The following DHX8 variants were observed in gnomAD, a reference collection of about 807,000 sequenced individuals.
DHX8 encodes ATP-dependent RNA helicase DHX8.
In DHX8, 67 loss-of-function variants were observed where a neutral mutation model predicts 140.7. The observed-to-expected ratio is 0.48, with a 90% CI of 0.39 to 0.58. The LOEUF (loss-of-function observed/expected upper bound fraction) is 0.58, where lower values mean the gene tolerates loss of function less well. Ranked by LOEUF, DHX8 falls within the 20% of genes least tolerant of loss-of-function variation. The pLI, the probability that DHX8 is intolerant of heterozygous loss-of-function variation, is 0.00. For synonymous variants in DHX8, 533 were observed against 553.2 expected, an observed-to-expected ratio of 0.96 and a Z score of 0.51; for missense variants, 887 against 1,550.7, an observed-to-expected ratio of 0.57 and a Z score of 7.19.
rs1240456975 is a variant in DHX8 at position 43,504,812 on chromosome 17, A to C, written c.1715A>C (p.Glu572Ala). The C allele has an allele frequency of 5.6e-6, 9 of 1,613,702 alleles. No individual in the cohort carries two copies. Among genetic ancestry groups the C allele is most frequent in the Non-Finnish European group, 7.6e-6 (9 of 1,179,906 alleles). Residue 572 changes from glutamate (E) to alanine (A), a missense_variant, in exon 12 of 23, where the codon GAG becomes GCG. Coordinates refer to ENST00000262415, the MANE Select transcript of DHX8 (RefSeq NM_004941.3). Reference protein sequence around the residue: ...RESLPIYKLKEQLVQAVHDNQ... With the variant: ...RESLPIYKLKAQLVQAVHDNQ... ...AGCCTGCCCATCTACAAACTGAAGG[A>C]GCAATTGGTCCAGGTGAGAAGACTT...
chr17:43,520,817 A>G lies in DHX8; in HGVS notation c.3004A>G (p.Ser1002Gly), dbSNP rs772338884. The G allele has an allele frequency of 1.2e-6, 2 of 1,614,134 alleles. No homozygotes were observed. The highest frequency in any genetic ancestry group is 8.5e-7 in the Non-Finnish European group (1 of 1,180,014). Reference sequence around the variant, plus strand: ...CATCATGTCTGTGCATCTGGGCTGCAGTGAGGAAATGCTGACCATTGTATC... The same window carrying G: ...CATCATGTCTGTGCATCTGGGCTGCGGTGAGGAAATGCTGACCATTGTATC... The part of the protein sequence containing the change: ...MLIMSVHLGC[S>G]EEMLTIVSML... The change falls in exon 20 of 23, where the codon AGT (serine) becomes GGT (glycine). Residue 1002 changes from serine to glycine, a missense_variant. Ser to Gly is a moderately conservative substitution (Grantham distance 56). Transcript: ENST00000262415.
chr17:43,520,357 C>T (rs1167205587), intron 19 of DHX8, 90 bp downstream of exon 19: 7 of 1,469,350 alleles, frequency 4.8e-6, no homozygotes, highest in Non-Finnish European at 6.4e-6. Context: ...CAGGCTGAGG[C>T]CGTGGATAAG....
chr17:43,496,055 G>T (rs1968838974), intron 8 of DHX8, 126 bp from the exon 9 acceptor site: 3 of 677,760 alleles, frequency 4.4e-6, no homozygotes, highest in Non-Finnish European at 2.5e-6. Context: ...CTTTGATCAG[G>T]TCACTGCACT....
chr17:43,534,250 C>T (rs997466940), intron 2 of DHX8, among the ~76,000 whole-genome samples: 3 of 152,170 alleles, frequency 2.0e-5, no homozygotes, highest in African/African-American at 7.2e-5. Flanking sequence ...CACGGTAGCT[C>T]ACACCTGTAA....
chr17:43,529,600 C>A (rs1473799164), downstream of DHX8: 1 of 1,613,976 alleles, frequency 6.2e-7, no homozygotes, highest in Non-Finnish European at 8.5e-7. Flanking sequence ...CCAGAAATTG[C>A]CACAGCTGCA....
intron 15 of DHX8, 50 bp from the exon 16 acceptor site, chr17:43,508,289 G>T (rs2293014): frequency 6.4e-7 from 1 of 1,568,186 alleles, no homozygotes; most frequent in Non-Finnish European, 8.6e-7. Context: ...CCTTGTATAG[G>T]ACACACATAC....
Position 43,525,076 on chromosome 17 carries a change from G to A in DHX8, c.*1229G>A. 2.0e-6 allele frequency: 2 copies of A among 985,420 alleles called. No individual in the cohort carries two copies. Among genetic ancestry groups the A allele is most frequent in the Non-Finnish European group, 2.4e-6 (2 of 830,004 alleles). 61.0% of individuals were successfully genotyped at this position (985,420 alleles called of 1,614,324 possible). ...CCCAAAGCGCTGGGATTACAGTTGA[G>A]AGCCACTGTCCTCTGCACTGAGGAG... is the stretch of plus-strand genomic sequence containing the variant. On this transcript the variant is annotated 3_prime_UTR_variant, in exon 23 of 23. Coordinates refer to ENST00000262415, the MANE Select transcript of DHX8 (RefSeq NM_004941.3).
At position 43,523,951 on chromosome 17, in the gene DHX8, T is replaced by C; in HGVS notation, c.*104T>C. ...TACAGCTGTCCCGTGACTGACTGTC[T>C]TAACTGAGCATTTTCTCAACTCGAC... On this transcript the variant is annotated 3_prime_UTR_variant, in exon 23 of 23. Transcript: ENST00000262415. 1 of 1,505,740 alleles carries C rather than the reference T, an allele frequency of 6.6e-7. No individual in the cohort carries two copies. Among genetic ancestry groups the C allele is most frequent in the African/African-American group, 1.4e-5 (1 of 72,278 alleles). 93.3% of individuals were successfully genotyped at this position (1,505,740 alleles called of 1,614,324 possible). A position where few individuals can be genotyped will look rare whatever the true frequency, so the allele number is the denominator to read the frequency against.
rs1410456833 is a variant in DHX8 at position 43,487,852 on chromosome 17, C to T, written c.149-1597C>T. ...ATTAGCCAGGCGTGGTGGAGGGCAC[C>T]TGTAATCCCAGCTACTTAGGAGGCT... On this transcript the variant is annotated intron_variant, in intron 1 of 22. Coordinates refer to ENST00000262415, the MANE Select transcript of DHX8 (RefSeq NM_004941.3). Among the ~76,000 whole-genome samples, 11 of 151,944 alleles carry T rather than the reference C, an allele frequency of 7.2e-5. No homozygotes were observed. In the South Asian group the frequency reaches 2.3e-3, roughly 31 times the overall value.
intron 21 of DHX8, among the ~76,000 whole-genome samples, 177 bp downstream of exon 21, chr17:43,521,742 C>T (rs866867225): frequency 6.6e-6 from 1 of 152,108 alleles, no homozygotes; most frequent in Non-Finnish European, 1.5e-5. Context: ...TAAGGGTATG[C>T]CTGAGAATTA....
intron 1 of DHX8, among the ~76,000 whole-genome samples, chr17:43,487,571 C>T (rs1002613673): frequency 1.3e-5 from 2 of 152,198 alleles, no homozygotes; most frequent in African/African-American, 4.8e-5. Context: ...CCAGGCTGGT[C>T]TTTAACTCCT....
At chr17:43,488,813 C>G (rs115829076) in intron 1 of DHX8, among the ~76,000 whole-genome samples, 1 of 152,068 alleles carries the variant, frequency 6.6e-6, no homozygotes, top group African/African-American at 2.4e-5. Context: ...TAGGTGGCAG[C>G]GTGCCCAGGT....
At chr17:43,511,455 C>CGTTTTTTTTTTTTTTT (rs1279628229) in intron 16 of DHX8, among the ~76,000 whole-genome samples, 1 of 6,594 alleles carries the variant, frequency 1.5e-4, no homozygotes, top group Non-Finnish European at 3.1e-4. Context: ...GTGATCCCAG[C>CGTTTTTTTTTTTTTTT]ATTTTTTTTT....
chr17:43,497,092 C>G (rs1968904700), intron 9 of DHX8, among the ~76,000 whole-genome samples: 1 of 152,198 alleles, frequency 6.6e-6, no homozygotes, highest in South Asian at 2.1e-4. Flanking sequence ...TTTCTTCCTT[C>G]TAGGAGTAAC....
chr17:43,495,002 C>T (rs898071499), intron 8 of DHX8, among the ~76,000 whole-genome samples: 6 of 151,466 alleles, frequency 4.0e-5, no homozygotes, highest in Non-Finnish European at 8.8e-5. Flanking sequence ...TTAGTAGAGA[C>T]GGGGTTTCAC....
chr17:43,539,394 G>C (rs1971406974), intron 3 of DHX8, among the ~76,000 whole-genome samples: 1 of 152,090 alleles, frequency 6.6e-6, no homozygotes, highest in Non-Finnish European at 1.5e-5. Flanking sequence ...CTAAACCAAA[G>C]TGGTTCCTCC....
At chr17:43,502,331 T>A (rs978821215) in intron 11 of DHX8, among the ~76,000 whole-genome samples, 25 of 152,226 alleles carry the variant, frequency 1.6e-4, no homozygotes, top group African/African-American at 6.0e-4. Flanking sequence ...GGCAGGAGAA[T>A]TGCTTGAGGC....
chr17:43,492,834 G>T lies in DHX8; in HGVS notation c.657G>T (p.Lys219Asn), dbSNP rs1968612824. The T allele has an allele frequency of 6.2e-7, 1 of 1,614,068 alleles. No individual in the cohort carries two copies. Among genetic ancestry groups the T allele is most frequent in the South Asian group, 1.1e-5 (1 of 91,080 alleles). ...GGACCCGGGAGAGGAATAAAGTGAA[G>T]TCTAGATATCGGTCCAGGAGCAGGA... ...RSRTRERNKV[K>N]SRYRSRSRSQ... The change falls in exon 6 of 23, where the codon AAG (lysine) becomes AAT (asparagine). Residue 219 changes from lysine (K) to asparagine (N), a missense_variant. By Grantham distance (94) the Lys-to-Asn change is moderately conservative. Around this residue, in one of 9 missense-constraint regions of DHX8, gnomAD observed 304 missense variants for 306.9 expected, o/e 0.99. Coordinates refer to ENST00000262415, the MANE Select transcript of DHX8 (RefSeq NM_004941.3).
chr17:43,504,291 G>A (rs561814159), intron 11 of DHX8, among the ~76,000 whole-genome samples: 3 of 152,028 alleles, frequency 2.0e-5, no homozygotes, highest in South Asian at 2.1e-4. Context: ...CCAGAAGGTC[G>A]GGGCTGCAGT....
Sources: allele counts gnomAD v4.1 joint callset (sites outside exome capture counted in the v4.1 genomes callset), GRCh38; gene constraint gnomAD v4.1.1; regional missense constraint gnomAD v4.1.1; transcripts MANE v1.5; gene names NCBI Gene and HGNC (gene_info 2026-07-23, HGNC 2026-07-21).